Variants in BLM observed in about 807,000 individuals in gnomAD.
BLM encodes recQ-like DNA helicase BLM.
Under a neutral mutation model 135.3 loss-of-function variants are expected in BLM, and 95 were observed. The ratio of observed to expected loss-of-function variants is 0.70; its 90% CI spans 0.59 to 0.83. BLM has a LOEUF of 0.83. Among genes scored for constraint, BLM ranks in the 40% least tolerant of loss-of-function variants. The pLI is 0.00. For missense variants in BLM, 1,518 were observed against 1,663.9 expected (o/e 0.91, Z 1.53); for synonymous variants, 520 against 589.2 (o/e 0.88, Z 1.70).
At chr15:90,733,671 A>C (rs762923923) in intron 1 of BLM, among the ~76,000 whole-genome samples, 2 of 152,174 alleles carry the variant, frequency 1.3e-5, no homozygotes, top group Non-Finnish European at 2.9e-5. Context: ...ATTGATATAG[A>C]CTGCACGTAT....
chr15:90,809,369 C>T lies in BLM; in HGVS notation c.3874+110C>T, dbSNP rs1001545924. On this transcript the variant is annotated intron_variant, in intron 20 of 21. Coordinates refer to ENST00000355112, the MANE Select transcript of BLM (RefSeq NM_000057.4). ...TGAATGCTTCCTACACCTCGTCACA[C>T]TGACATCCAAGTCAGCCCCCAGTGG... is the stretch of plus-strand genomic sequence containing the variant. 1.9e-6 allele frequency: 3 copies of T among 1,557,186 alleles called. No individual in the cohort carries two copies. The African/African-American group carries it at 4.1e-5, about 21-fold the overall frequency.
chr15:90,777,200 T>C (rs932776696), intron 12 of BLM, among the ~76,000 whole-genome samples: 2 of 151,838 alleles, frequency 1.3e-5, no homozygotes, highest in African/African-American at 2.4e-5. Flanking sequence ...TTCACTCTTG[T>C]TGCCCAGGCT....
intron 16 of BLM, among the ~76,000 whole-genome samples, chr15:90,796,004 G>T (rs545238771): frequency 9.0e-4 from 137 of 152,308 alleles, no homozygotes; most frequent in Non-Finnish European, 1.6e-3. Flanking sequence ...GTGGGGGTGT[G>T]CCTGGTGTGT....
At chr15:90,767,213 T>A (rs1352901117) in intron 10 of BLM, among the ~76,000 whole-genome samples, 190 bp downstream of exon 10, 4 of 152,202 alleles carry the variant, frequency 2.6e-5, no homozygotes, top group Non-Finnish European at 5.9e-5. Context: ...TCCTGACACA[T>A]TTGATTGAAA....
rs11366266 is a variant in BLM, at chr15:90,787,036, C to CTTTT, written c.2823+1982_2823+1985dup. ...AAAGCTGAAAATACTTTAGGCATCT[C>CTTTT]TTTTTTTTTTTTTTTTTTTTTTTTT... On this transcript the variant is annotated intron_variant, in intron 14 of 21. Transcript: ENST00000355112. 3.3e-4 allele frequency among the ~76,000 whole-genome samples: 19 copies of CTTTT among 57,990 alleles called. 1 individual carries two copies. Among genetic ancestry groups the CTTTT allele is most frequent in the South Asian group, 6.1e-4 (1 of 1,634 alleles). 38.0% of individuals were successfully genotyped at this position (57,990 alleles called of 152,430 possible).
intron 3 of BLM, among the ~76,000 whole-genome samples, chr15:90,751,525 TAA>T (rs1392539071): frequency 6.6e-6 from 1 of 152,248 alleles, no homozygotes; most frequent in Non-Finnish European, 1.5e-5. Context: ...ACGTGTTTCG[TAA>T]TTAACCAGAG....
Position 90,798,272 on chromosome 15 carries a change from G to A in BLM, c.3293G>A (p.Arg1098Lys), listed in dbSNP as rs912777535. The A allele has an allele frequency of 3.7e-6, 6 of 1,612,276 alleles. No individual in the cohort carries two copies. The African/African-American group carries it at 8.0e-5, about 22-fold the overall frequency. The change falls in exon 17 of 22, where the codon AGA (arginine) becomes AAA (lysine). Residue 1098 changes from arginine to lysine, a missense_variant. This residue lies in a region of BLM where 626 missense variants were observed against 681.1 expected (regional missense o/e 0.92). Coordinates refer to ENST00000355112, the MANE Select transcript of BLM (RefSeq NM_000057.4). ...VQEHSSSQGM[R>K]NIKHVGPSGR... ...GAACATAGTTCATCACAAGGAATGA[G>A]AAATATAAAACATGTAGGTCCTTCT...
At chr15:90,753,948 A>G (rs1427633279) in intron 4 of BLM, among the ~76,000 whole-genome samples, 2 of 152,252 alleles carry the variant, frequency 1.3e-5, no homozygotes, top group African/African-American at 2.4e-5. Context: ...TTAAAAAATA[A>G]TATTAAAAAG....
rs73500416 is a variant in BLM at position 90,784,351 on chromosome 15, T to G, written c.2663-570T>G. Among the ~76,000 whole-genome samples, 1,022 of 125,036 alleles carry G rather than the reference T, an allele frequency of 8.2e-3. 15 individuals are homozygous for G. Among genetic ancestry groups the G allele is most frequent in the African/African-American group, 0.031 (843 of 27,458 alleles). The allele number at this position is 125,036 out of a possible 152,430, so 82.0% of individuals were successfully genotyped here. On this transcript the variant is annotated intron_variant, in intron 13 of 21. Transcript: ENST00000355112. ...TCTTTTTTTTTTTTTTTTTTTTTTT[T>G]GAGGCTGAGTCTCACTCTATCTCCA...
intron 16 of BLM, 88 bp downstream of exon 16, chr15:90,794,445 G>T (rs1221416890): frequency 4.7e-6 from 5 of 1,074,000 alleles, no homozygotes; most frequent in Non-Finnish European, 6.5e-6. Flanking sequence ...TGCAAAAGGT[G>T]GTCTCCGACA....
At chr15:90,748,358 T>C (rs182115157) in intron 2 of BLM, among the ~76,000 whole-genome samples, 16 of 152,258 alleles carry the variant, frequency 1.1e-4, no homozygotes, top group Non-Finnish European at 1.0e-4. Flanking sequence ...TCCGCCCACC[T>C]TGGCCTCCCA....
chr15:90,718,774 A>G (rs139937342), intron 1 of BLM, among the ~76,000 whole-genome samples: 2 of 152,218 alleles, frequency 1.3e-5, no homozygotes, highest in East Asian at 1.9e-4. Context: ...TACTGAGGAA[A>G]CCAAGAGTTA....
chr15:90,726,451 A>G (rs898546623), intron 1 of BLM, among the ~76,000 whole-genome samples: 6 of 152,090 alleles, frequency 3.9e-5, no homozygotes, highest in Non-Finnish European at 4.4e-5. Context: ...CATTTTTAGT[A>G]GAGACGGGGT....
chr15:90,733,969 A>G (rs1895133931), intron 1 of BLM, among the ~76,000 whole-genome samples: 1 of 152,210 alleles, frequency 6.6e-6, no homozygotes, highest in Admixed American at 6.5e-5. Flanking sequence ...TAAAACAAAT[A>G]TTTAACATAA....
intron 1 of BLM, among the ~76,000 whole-genome samples, chr15:90,729,864 G>A (rs1334207010): frequency 6.6e-6 from 1 of 151,776 alleles, no homozygotes; most frequent in Non-Finnish European, 1.5e-5. Flanking sequence ...TTTTATTTTT[G>A]AGACGAAGTC....
intron 15 of BLM, among the ~76,000 whole-genome samples, chr15:90,792,628 G>A (rs1896934273): frequency 6.6e-6 from 1 of 152,148 alleles, no homozygotes; most frequent in Non-Finnish European, 1.5e-5. Flanking sequence ...CGTTGTAGTA[G>A]TAGTATAACA....
At chr15:90,752,787 A>G (rs1895722459) in intron 4 of BLM, among the ~76,000 whole-genome samples, 1 of 152,230 alleles carries the variant, frequency 6.6e-6, no homozygotes, top group African/African-American at 2.4e-5. Context: ...CTCTCAGACC[A>G]GTTGAGTGGT....
At chr15:90,798,763 C>T (rs112888219) in intron 17 of BLM, among the ~76,000 whole-genome samples, 23,276 of 151,966 alleles carry the variant, frequency 0.15, 1,896 homozygotes, top group Non-Finnish European at 0.19. Context: ...GGGCGGATCA[C>T]CTGAGATCAG....
At chr15:90,788,471 GTTTTTT>G (rs35158343) in intron 14 of BLM, among the ~76,000 whole-genome samples, 2 of 94,992 alleles carry the variant, frequency 2.1e-5, no homozygotes, top group Non-Finnish European at 4.0e-5. Context: ...CCAGTGTTTT[GTTTTTT>G]TTTTTTTTTT....
Sources: gnomAD v4.1 joint callset for allele counts (sites outside exome capture counted in the v4.1 genomes callset) on GRCh38, gnomAD v4.1.1 for gene constraint, gnomAD v4.1.1 regional missense constraint, MANE v1.5 for transcripts, NCBI Gene and HGNC (gene_info 2026-07-23, HGNC 2026-07-21) for gene names.